The following APOO variants were observed in gnomAD, a reference collection of about 807,000 sequenced individuals.
APOO encodes the protein MICOS complex subunit MIC26.
A neutral mutation model predicts 23.1 loss-of-function variants in APOO; 11 were observed. The observed-to-expected ratio is 0.48, with a 90% confidence interval of 0.30 to 0.79. The LOEUF (loss-of-function observed/expected upper bound fraction) is 0.79, where lower values mean the gene tolerates loss of function less well. Among genes scored for constraint, APOO ranks in the 30% least tolerant of loss-of-function variants. The probability of loss-of-function intolerance (pLI) is 0.07; values close to 1 mark genes in which losing one functional copy is unlikely to be tolerated. For missense variants in APOO, 160 were observed against 142.7 expected, an observed-to-expected ratio of 1.12 and a Z score of -0.62; for synonymous variants, 59 against 54.8, an observed-to-expected ratio of 1.08 and a Z score of -0.34.
At position 23,907,777 on chromosome X, in the gene APOO, G is replaced by T; in HGVS notation, c.-75C>A. The T allele has an allele frequency of 9.4e-7, 1 of 1,067,185 alleles. No individual in the cohort carries two copies. Among genetic ancestry groups the T allele is most frequent in the Non-Finnish European group, 1.2e-6 (1 of 805,171 alleles). The allele number at this position is 1,067,185 out of a possible 1,213,427, so 87.9% of individuals were successfully genotyped here. ...CCACTATAGAGAGGTGACTACGGAG[G>T]CCCGGTAGGGCCTTGATTTCTCCAA... On this transcript the variant is annotated 5_prime_UTR_variant, in exon 1 of 9. Coordinates refer to ENST00000379226, the MANE Select transcript of APOO (RefSeq NM_024122.5).
chrX:23,837,334 G>A lies in APOO; in HGVS notation c.*29+2979C>T, dbSNP rs181102159. 6.6e-5 allele frequency: 56 copies of A among 852,472 alleles called. No individual in the cohort carries two copies. The African/African-American group carries it at 1.1e-3, about 16-fold the overall frequency. The allele number at this position is 852,472 out of a possible 1,213,427, so 70.3% of individuals were successfully genotyped here. ...AATAGTCTTCATTCTCGCAGTAGAC[G>A]CAGCAAAGAAAGCCTAATTTCTTTA... is the stretch of plus-strand genomic sequence containing the variant. On this transcript the variant is annotated intron_variant, in intron 8 of 8. Coordinates refer to ENST00000379226, the MANE Select transcript of APOO (RefSeq NM_024122.5).
At chrX:23,872,901 A>G (rs1925682856) in intron 4 of APOO, among the ~76,000 whole-genome samples, 1 of 109,159 alleles carries the variant, frequency 9.2e-6, no homozygotes, top group Non-Finnish European at 1.9e-5. Context: ...AATACAAAAA[A>G]TAGGCTGGGT....
intron 1 of APOO, among the ~76,000 whole-genome samples, chrX:23,884,415 G>C (rs1048185349): frequency 8.9e-6 from 1 of 111,732 alleles, no homozygotes. Context: ...GAAGAGTGAC[G>C]ATGACCTTGG....
chrX:23,839,182 G>A (rs1332480689), intron 8 of APOO, among the ~76,000 whole-genome samples: 1 of 112,119 alleles, frequency 8.9e-6, no homozygotes, highest in Non-Finnish European at 1.9e-5. Context: ...ACATACTGAT[G>A]TTGGGTTACT....
chrX:23,841,061 TAGTC>T (rs1367069620), intron 7 of APOO, among the ~76,000 whole-genome samples: 1 of 112,171 alleles, frequency 8.9e-6, no homozygotes. Flanking sequence ...AACACATTAA[TAGTC>T]AGAGATCAGA....
At chrX:23,844,569 A>G (rs775012977) in intron 7 of APOO, among the ~76,000 whole-genome samples, 49 of 111,136 alleles carry the variant, frequency 4.4e-4, no homozygotes, top group African/African-American at 1.5e-3. Context: ...AGCTGGAAAC[A>G]GCCCTCAGCC....
intron 8 of APOO, among the ~76,000 whole-genome samples, chrX:23,838,974 A>T (rs1431306606): frequency 1.8e-5 from 2 of 111,372 alleles, no homozygotes; most frequent in East Asian, 2.8e-4. Context: ...GCTGACAGGG[A>T]TTTAAAAAAA....
chrX:23,838,392 G>T (rs868196711), intron 8 of APOO, among the ~76,000 whole-genome samples: 184 of 83,273 alleles, frequency 2.2e-3, no homozygotes, highest in African/African-American at 8.4e-3. Flanking sequence ...GAAAGAAAAA[G>T]AAAAGAATAA....
chrX:23,888,341 G>A (rs1360719536), intron 1 of APOO, among the ~76,000 whole-genome samples: 2 of 111,570 alleles, frequency 1.8e-5, no homozygotes, highest in East Asian at 5.6e-4. Context: ...AAACAAATCT[G>A]GTCAGGCAAG....
chrX:23,862,612 CA>C (rs947506756), intron 5 of APOO, among the ~76,000 whole-genome samples: 154 of 94,532 alleles, frequency 1.6e-3, no homozygotes, highest in East Asian at 0.011. Flanking sequence ...CCGGTCTCCA[CA>C]AAAAAAAAAA....
At chrX:23,888,937 T>G (rs1451214481) in intron 1 of APOO, among the ~76,000 whole-genome samples, 3 of 91,875 alleles carry the variant, frequency 3.3e-5, no homozygotes, top group Non-Finnish European at 6.4e-5. Context: ...GCCAGAAGTT[T>G]AAGACCAGCC....
At chrX:23,864,398 G>A (rs1275946386) in intron 5 of APOO, among the ~76,000 whole-genome samples, 9 of 111,095 alleles carry the variant, frequency 8.1e-5, no homozygotes, top group Admixed American at 7.7e-4. Context: ...TGCCTCCCGG[G>A]TTCAAGTGAT....
chrX:23,857,909 G>A (rs185342949), intron 6 of APOO, among the ~76,000 whole-genome samples: 1 of 111,251 alleles, frequency 9.0e-6, no homozygotes, highest in East Asian at 2.8e-4. Context: ...CAAACCACCG[G>A]AGGGCTTGCT....
At chrX:23,905,394 AAAT>A (rs1275474871) in intron 1 of APOO, among the ~76,000 whole-genome samples, 1 of 109,870 alleles carries the variant, frequency 9.1e-6, no homozygotes, top group Non-Finnish European at 1.9e-5. Flanking sequence ...TGTCTGAAAA[AAAT>A]AATAATGATA....
intron 7 of APOO, among the ~76,000 whole-genome samples, chrX:23,848,103 GA>G (rs1241824389): frequency 1.9e-5 from 2 of 107,749 alleles, no homozygotes; most frequent in East Asian, 5.8e-4. Context: ...TCGATCTCCT[GA>G]CCTCGTGATC....
intron 4 of APOO, among the ~76,000 whole-genome samples, chrX:23,869,951 CA>C (rs112428925): frequency 0.013 from 876 of 69,611 alleles, 3 homozygotes; most frequent in Non-Finnish European, 0.019. Flanking sequence ...GACTCCTTCT[CA>C]AAAAAAAAAA....
At chrX:23,900,674 C>CAAAAAA (rs967658475) in intron 1 of APOO, among the ~76,000 whole-genome samples, 1 of 24,799 alleles carries the variant, frequency 4.0e-5, no homozygotes, top group African/African-American at 1.4e-4. Flanking sequence ...GACTCCGGCT[C>CAAAAAA]AAAAAAAAAA....
intron 5 of APOO, among the ~76,000 whole-genome samples, chrX:23,863,236 A>G (rs1028952022): frequency 8.9e-6 from 1 of 112,071 alleles, no homozygotes; most frequent in African/African-American, 3.2e-5. Context: ...TGGGAGGTTG[A>G]GGCGTGAGAA....
intron 7 of APOO, among the ~76,000 whole-genome samples, chrX:23,849,583 TAAAAAAAA>T (rs143362355): frequency 2.8e-4 from 9 of 32,594 alleles, no homozygotes; most frequent in South Asian, 5.2e-3. Flanking sequence ...AAGAGAGACT[TAAAAAAAA>T]AAAAAAAAAA....
Sources: gnomAD v4.1 joint callset for allele counts (sites outside exome capture counted in the v4.1 genomes callset) on GRCh38, gnomAD v4.1.1 for gene constraint, MANE v1.5 for transcripts, NCBI Gene and HGNC (gene_info 2026-07-23, HGNC 2026-07-21) for gene names.